The following FOXJ3 variants were observed in gnomAD, a reference collection of about 807,000 sequenced individuals.
FOXJ3 encodes forkhead box protein J3.
A neutral mutation model predicts 76.1 loss-of-function variants in FOXJ3; 22 were observed. The observed-to-expected ratio is 0.29, with a 90% CI of 0.21 to 0.41. The LOEUF (loss-of-function observed/expected upper bound fraction) is 0.41, where lower values mean the gene tolerates loss of function less well. FOXJ3 is among the 10% of genes least tolerant of loss of function. FOXJ3 has a pLI of 1.00. For missense variants in FOXJ3, 613 were observed against 762.1 expected (o/e 0.80, Z 2.30); for synonymous variants, 269 against 261.2 (o/e 1.03, Z -0.29).
At chr1:42,276,353 C>CT (rs1396182181) in intron 3 of FOXJ3, among the ~76,000 whole-genome samples, 1 of 150,494 alleles carries the variant, frequency 6.6e-6, no homozygotes, top group African/African-American at 2.5e-5. Flanking sequence ...AAGACTCTGT[C>CT]TTAAAAAAAA....
At chr1:42,271,271 A>G (rs75686408) in intron 3 of FOXJ3, among the ~76,000 whole-genome samples, 3,158 of 152,098 alleles carry the variant, frequency 0.021, 109 homozygotes, top group African/African-American at 0.072. Flanking sequence ...TTCTGCTTGC[A>G]TTCTCTTTGA....
At chr1:42,308,405 G>GT (rs1654596914) in intron 2 of FOXJ3, among the ~76,000 whole-genome samples, 1 of 152,140 alleles carries the variant, frequency 6.6e-6, no homozygotes, top group East Asian at 1.9e-4. Context: ...AAGTAATCCA[G>GT]TTTTTCTTCC....
At chr1:42,293,956 G>T (rs569105965) in intron 2 of FOXJ3, among the ~76,000 whole-genome samples, 1 of 152,210 alleles carries the variant, frequency 6.6e-6, no homozygotes, top group Non-Finnish European at 1.5e-5. Context: ...CTAGTAGGGG[G>T]TGGAATAATC....
chr1:42,329,645 A>G (rs550127471), intron 1 of FOXJ3, among the ~76,000 whole-genome samples: 3 of 152,376 alleles, frequency 2.0e-5, no homozygotes, highest in Non-Finnish European at 4.4e-5. Flanking sequence ...TGACTAACAA[A>G]GCCAACAGTG....
intron 1 of FOXJ3, among the ~76,000 whole-genome samples, chr1:42,319,207 C>T (rs1286364121): frequency 1.4e-5 from 2 of 146,244 alleles, no homozygotes; most frequent in South Asian, 2.3e-4. Flanking sequence ...TCCAGCTCAG[C>T]GACACAGCAA....
At chr1:42,279,575 A>C (rs1652544059) in intron 2 of FOXJ3, among the ~76,000 whole-genome samples, 1 of 152,190 alleles carries the variant, frequency 6.6e-6, no homozygotes. Flanking sequence ...AAGAAAACTA[A>C]ATCTGCCAGG....
intron 4 of FOXJ3, among the ~76,000 whole-genome samples, chr1:42,243,303 A>C (rs1162324670): frequency 6.6e-6 from 1 of 152,204 alleles, no homozygotes; most frequent in Non-Finnish European, 1.5e-5. Flanking sequence ...AAATGTTACC[A>C]CTACAGAAAA....
At chr1:42,245,095 G>T (rs189460996) in intron 4 of FOXJ3, among the ~76,000 whole-genome samples, 3 of 148,906 alleles carry the variant, frequency 2.0e-5, no homozygotes, top group African/African-American at 7.5e-5. Context: ...CAGGAGAATC[G>T]CTTGAACCCA....
intron 4 of FOXJ3, among the ~76,000 whole-genome samples, chr1:42,247,101 G>C (rs574907485): frequency 1.3e-5 from 2 of 152,168 alleles, no homozygotes; most frequent in South Asian, 4.1e-4. Context: ...TTCCAAAGCA[G>C]GGTAGACTGG....
intron 1 of FOXJ3, among the ~76,000 whole-genome samples, chr1:42,323,352 C>A (rs1242789763): frequency 6.6e-6 from 1 of 152,112 alleles, no homozygotes; most frequent in African/African-American, 2.4e-5. Context: ...TTCATTCATT[C>A]AACAAATATT....
At position 42,178,900 on chromosome 1, in the gene FOXJ3, G is replaced by C. The variant is rs192583452; in HGVS notation, c.*810C>G. The C allele has an allele frequency of 1.3e-3, 206 of 152,740 alleles. No homozygotes were observed. Among genetic ancestry groups the C allele is most frequent in the Non-Finnish European group, 4.7e-4 (32 of 68,028 alleles). 9.5% of individuals were successfully genotyped at this position (152,740 alleles called of 1,614,324 possible). On this transcript the variant is annotated 3_prime_UTR_variant, in exon 13 of 13. Transcript: ENST00000361346. The stretch of plus-strand genomic sequence containing the variant: ...CAATAAATATTAAAATGACACTTTT[G>C]AATAATAAATACATAGGTGAATGTG...
At chr1:42,214,761 C>T (rs1647032675) in intron 5 of FOXJ3, among the ~76,000 whole-genome samples, 2 of 152,080 alleles carry the variant, frequency 1.3e-5, no homozygotes, top group Non-Finnish European at 2.9e-5. Context: ...GGAACTAGGG[C>T]AAAGACCCAA....
At chr1:42,226,130 C>T (rs189723250) in intron 5 of FOXJ3, among the ~76,000 whole-genome samples, 13 of 151,936 alleles carry the variant, frequency 8.6e-5, no homozygotes, top group Admixed American at 8.5e-4. Flanking sequence ...GCAACAGATG[C>T]TAAATGTTTT....
chr1:42,316,604 A>G (rs1336187210), intron 1 of FOXJ3, among the ~76,000 whole-genome samples: 1 of 152,104 alleles, frequency 6.6e-6, no homozygotes, highest in Non-Finnish European at 1.5e-5. Context: ...ATTGACAGTT[A>G]CTGTGTGACC....
At chr1:42,224,077 G>T (rs111845929) in intron 5 of FOXJ3, among the ~76,000 whole-genome samples, 110 of 152,238 alleles carry the variant, frequency 7.2e-4, no homozygotes, top group Non-Finnish European at 1.3e-3. Flanking sequence ...TTGACTTTTA[G>T]CCTCTTACTT....
chr1:42,334,366 G>C (rs982839578), intron 1 of FOXJ3, among the ~76,000 whole-genome samples: 3 of 151,928 alleles, frequency 2.0e-5, no homozygotes, highest in African/African-American at 7.2e-5. Flanking sequence ...AATCACAGAG[G>C]AAAAACCATC....
At chr1:42,333,663 T>C (rs1405978862) in intron 1 of FOXJ3, among the ~76,000 whole-genome samples, 1 of 152,068 alleles carries the variant, frequency 6.6e-6, no homozygotes, top group Non-Finnish European at 1.5e-5. Flanking sequence ...GCGGGAACAA[T>C]CTGTGGTCTC....
At chr1:42,287,373 AAT>A (rs1222608920) in intron 2 of FOXJ3, among the ~76,000 whole-genome samples, 2 of 152,012 alleles carry the variant, frequency 1.3e-5, no homozygotes, top group Admixed American at 6.6e-5. Context: ...AGCTGATCTA[AAT>A]TACCCTTGCT....
intron 4 of FOXJ3, 169 bp downstream of exon 4, chr1:42,264,946 A>G (rs1651353434): frequency 1.5e-6 from 1 of 646,850 alleles, no homozygotes; most frequent in South Asian, 1.7e-5. Context: ...ACAGCTATAC[A>G]CTAGTTAGGT....
Sources: gnomAD v4.1 joint callset for allele counts (sites outside exome capture counted in the v4.1 genomes callset) on GRCh38, gnomAD v4.1.1 for gene constraint, MANE v1.5 for transcripts, NCBI Gene and HGNC (gene_info 2026-07-23, HGNC 2026-07-21) for gene names.